Variants in COL22A1 observed in about 807,000 individuals in gnomAD.
The protein encoded by COL22A1 is collagen alpha-1(XXII) chain.
Under a neutral mutation model 248.9 loss-of-function variants are expected in COL22A1, and 221 were observed. That is an observed-to-expected ratio of 0.89 (90% CI 0.80 to 0.99). COL22A1 has a LOEUF of 0.99. Among genes scored for constraint, COL22A1 ranks in the 50% least tolerant of loss-of-function variants. The probability of loss-of-function intolerance (pLI) is 0.00; values close to 1 mark genes in which losing one functional copy is unlikely to be tolerated. For missense variants in COL22A1, 2,240 were observed against 2,179.0 expected (o/e 1.03, Z -0.56); for synonymous variants, 891 against 793.4 (o/e 1.12, Z -2.07).
chr8:138,886,482 C>T (rs561834464), intron 1 of COL22A1, among the ~76,000 whole-genome samples: 6 of 152,224 alleles, frequency 3.9e-5, no homozygotes, highest in South Asian at 4.2e-4. Flanking sequence ...GCTGATGGCT[C>T]GGCTACCACA....
intron 3 of COL22A1, among the ~76,000 whole-genome samples, chr8:138,874,770 G>A (rs1823587670): frequency 6.6e-6 from 1 of 152,206 alleles, no homozygotes; most frequent in South Asian, 2.1e-4. Context: ...CAGGCTAGTG[G>A]AAGAACAGCC....
chr8:138,857,925 G>A (rs1361947668), intron 3 of COL22A1, among the ~76,000 whole-genome samples: 1 of 152,178 alleles, frequency 6.6e-6, no homozygotes, highest in Non-Finnish European at 1.5e-5. Flanking sequence ...CTGCTGAAGG[G>A]TATAGCTTTG....
intron 9 of COL22A1, 91 bp downstream of exon 9, chr8:138,811,708 C>T: frequency 1.3e-6 from 2 of 1,496,422 alleles, no homozygotes; most frequent in Admixed American, 1.7e-5. Flanking sequence ...TCCTGGTGCC[C>T]CCCTGACCTG....
intron 10 of COL22A1, among the ~76,000 whole-genome samples, chr8:138,806,035 TGTGTG>T (rs1817625542): frequency 1.7e-5 from 2 of 115,210 alleles, no homozygotes; most frequent in Non-Finnish European, 1.9e-5. Flanking sequence ...TGTGGTTGTG[TGTGTG>T]ATGGTGTAGG....
chr8:138,853,647 A>G (rs1821801728), intron 3 of COL22A1, among the ~76,000 whole-genome samples: 1 of 152,216 alleles, frequency 6.6e-6, no homozygotes, highest in Non-Finnish European at 1.5e-5. Flanking sequence ...CAAGGAGCTC[A>G]ACAGTGTTGA....
chr8:138,862,836 A>T (rs1822587579), intron 3 of COL22A1, among the ~76,000 whole-genome samples: 1 of 151,618 alleles, frequency 6.6e-6, no homozygotes, highest in Non-Finnish European at 1.5e-5. Flanking sequence ...CAAGGACACA[A>T]GGGCATCAAT....
intron 18 of COL22A1, among the ~76,000 whole-genome samples, chr8:138,758,069 A>G (rs891207069): frequency 6.6e-6 from 1 of 152,208 alleles, no homozygotes; most frequent in Admixed American, 6.5e-5. Flanking sequence ...ACCTTGAACC[A>G]GTCACTGCTC....
intron 60 of COL22A1, among the ~76,000 whole-genome samples, chr8:138,601,757 G>A (rs894116859): frequency 2.0e-5 from 3 of 152,122 alleles, no homozygotes; most frequent in Non-Finnish European, 2.9e-5. Flanking sequence ...TTGGCACTTC[G>A]GGAGCCGAGC....
At chr8:138,773,449 G>T (rs55954621) in intron 16 of COL22A1, among the ~76,000 whole-genome samples, 3,821 of 152,314 alleles carry the variant, frequency 0.025, 105 homozygotes, top group African/African-American at 0.066. Flanking sequence ...GGAGTGGGGG[G>T]TCCCACACCT....
intron 50 of COL22A1, 128 bp downstream of exon 50, chr8:138,630,567 T>C (rs1820625177): frequency 1.3e-6 from 1 of 788,526 alleles, no homozygotes; most frequent in Admixed American, 1.9e-5. Context: ...AGACTTGTAG[T>C]GAACAGAACC....
chr8:138,755,797 T>C lies in COL22A1; in HGVS notation c.1935A>G (p.Val645=). ...ACTGCTGACTCACCACTGAGCCTGG[T>C]ACACCAGGTGGCCCCGCAGGTCCCA... ...GDVGPAGPPG[V]PGSVVQQEGL... is the part of the protein sequence containing the mutation. The change falls in exon 19 of 65, where the codon GTA becomes GTG. Residue 645 remains valine, a synonymous_variant. Transcript: ENST00000303045. 1.9e-6 allele frequency: 3 copies of C among 1,614,162 alleles called. No homozygotes were observed. Among genetic ancestry groups the C allele is most frequent in the Non-Finnish European group, 2.5e-6 (3 of 1,180,024 alleles).
rs774446572 is a variant in COL22A1 at position 138,596,967 on chromosome 8, C to G, written c.4369G>C (p.Glu1457Gln). Residue 1457 changes from glutamate to glutamine, a missense_variant, in exon 62 of 65, where the codon GAG becomes CAG. Glu to Gln is a conservative substitution (Grantham distance 29). Coordinates refer to ENST00000303045, the MANE Select transcript of COL22A1 (RefSeq NM_152888.3). ...CGCAGGGTTTCCATGGATGGAGACT[C>G]CCCCTAGGAGGGAGGGAAGGTGGAG... The part of the protein sequence containing the change: ...GQPGFPGLRG[E>Q]SPSMETLRRL... 19 of 1,613,468 alleles carry G rather than the reference C, an allele frequency of 1.2e-5. No homozygotes were observed. In the East Asian group the frequency reaches 3.3e-4, roughly 28 times the overall value.
intron 22 of COL22A1, among the ~76,000 whole-genome samples, chr8:138,745,045 C>T (rs954638128): frequency 2.6e-5 from 4 of 152,162 alleles, no homozygotes; most frequent in African/African-American, 9.7e-5. Flanking sequence ...ATCTAAGTGA[C>T]CTTGAGAAGG....
At position 138,597,527 on chromosome 8, in the gene COL22A1, A is replaced by C. The variant is rs1052358749; in HGVS notation, c.4366-557T>G. Among the ~76,000 whole-genome samples the C allele has an allele frequency of 2.6e-5, 4 of 152,128 alleles. No homozygotes were observed. In the South Asian group the frequency reaches 8.3e-4, roughly 32 times the overall value. The stretch of plus-strand genomic sequence containing the variant: ...TGGTCCACAGAAGCTGATGAGTTTG[A>C]CAACCAGAGGAGCAAGTGTTGTCTC... On this transcript the variant is annotated intron_variant, in intron 61 of 64. Transcript: ENST00000303045.
intron 57 of COL22A1, 97 bp from the exon 58 acceptor site, chr8:138,606,549 G>C: frequency 8.5e-7 from 1 of 1,181,848 alleles, no homozygotes. Context: ...AAAGGCCTGA[G>C]ACATCCACAC....
rs1413788564 is a variant in COL22A1 at position 138,635,008 on chromosome 8, A to G, written c.3609+2T>C. 6.3e-7 allele frequency: 1 copy of G among 1,594,898 alleles called. No homozygotes were observed. The highest frequency in any genetic ancestry group is 1.1e-5 in the South Asian group (1 of 90,394). On this transcript the variant is annotated splice_donor_variant, in intron 49 of 64. Transcript: ENST00000303045. LOFTEE classifies it high-confidence loss of function. ...AGGAGGGGATTAAAGATGATTACTT[A>G]CTGGTGGCCCAGGGTTCCCTGGGGG... is the stretch of plus-strand genomic sequence containing the variant.
At chr8:138,870,773 G>A (rs1026265569) in intron 3 of COL22A1, among the ~76,000 whole-genome samples, 2 of 151,686 alleles carry the variant, frequency 1.3e-5, no homozygotes, top group African/African-American at 4.9e-5. Flanking sequence ...TATACATGGT[G>A]TGTGTGGTAT....
intron 41 of COL22A1, among the ~76,000 whole-genome samples, chr8:138,673,224 T>TA (rs933807657): frequency 7.9e-5 from 12 of 151,478 alleles, no homozygotes; most frequent in African/African-American, 2.9e-4. Flanking sequence ...TTTTTTTTTT[T>TA]TTTTTAGACA....
At chr8:138,894,837 C>G (rs1203604667) in intron 1 of COL22A1, among the ~76,000 whole-genome samples, 3 of 152,080 alleles carry the variant, frequency 2.0e-5, no homozygotes, top group Non-Finnish European at 4.4e-5. Context: ...CCAATAGTTT[C>G]CTGTGACTTT....
Sources: allele counts gnomAD v4.1 joint callset (sites outside exome capture counted in the v4.1 genomes callset), GRCh38; gene constraint gnomAD v4.1.1; transcripts MANE v1.5; gene names NCBI Gene and HGNC (gene_info 2026-07-23, HGNC 2026-07-21).